PARP12: variants seen among roughly 807,000 people sequenced by gnomAD.
PARP12 encodes the protein protein mono-ADP-ribosyltransferase PARP12.
Under a neutral mutation model 72.4 loss-of-function variants are expected in PARP12, and 59 were observed. The ratio of observed to expected loss-of-function variants is 0.81; its 90% CI spans 0.66 to 1.01. PARP12 has a LOEUF of 1.01. Among genes scored for constraint, PARP12 ranks in the 50% least tolerant of loss-of-function variants. PARP12 has a pLI of 0.00. For synonymous variants in PARP12, 403 were observed against 371.4 expected (o/e 1.09, Z -0.98); for missense variants, 851 against 914.0 (o/e 0.93, Z 0.89).
At chr7:140,046,635 G>A (rs974735993) in intron 5 of PARP12, among the ~76,000 whole-genome samples, 1 of 152,094 alleles carries the variant, frequency 6.6e-6, no homozygotes, top group Non-Finnish European at 1.5e-5. Context: ...GGAGAGGGAG[G>A]TGGGAGAACA....
At chr7:140,027,455 T>C (rs1392070436) in intron 9 of PARP12, 49 bp from the exon 10 acceptor site, 4 of 1,601,868 alleles carry the variant, frequency 2.5e-6, no homozygotes, top group Non-Finnish European at 3.4e-6. Flanking sequence ...GTGCAGAATA[T>C]AAATCAGTCC....
intron 8 of PARP12, chr7:140,033,454 A>C (rs114201589): frequency 3.0e-6 from 3 of 985,424 alleles, no homozygotes; most frequent in Non-Finnish European, 3.6e-6. Context: ...AACACTGCCT[A>C]AAGTCCCAGC....
At chr7:140,034,124 T>C in intron 8 of PARP12, 111 bp downstream of exon 8, 1 of 1,437,950 alleles carries the variant, frequency 7.0e-7, no homozygotes, top group South Asian at 1.4e-5. Context: ...AGCACTTCGT[T>C]GTACAAGCCA....
chr7:140,057,777 CA>C, intron 2 of PARP12, 121 bp downstream of exon 2: 1 of 1,365,284 alleles, frequency 7.3e-7, no homozygotes. Context: ...CAAATTTCTG[CA>C]GGTGGAAACC....
chr7:140,056,967 A>C lies in PARP12; in HGVS notation c.649T>G (p.Ser217Ala). The C allele has an allele frequency of 1.2e-6, 2 of 1,614,166 alleles. No individual in the cohort carries two copies. Among genetic ancestry groups the C allele is most frequent in the Non-Finnish European group, 1.7e-6 (2 of 1,180,040 alleles). Reference protein sequence around the residue: ...LEKLEKLGMSSDLVSRLPTIY... With the variant: ...LEKLEKLGMSADLVSRLPTIY... ...GTAGGCAGCCTGCTCACCAGGTCTG[A>C]GCTCATACCCAACTTCTCCAATTTT... The change falls in exon 3 of 12, where the codon TCA (serine) becomes GCA (alanine). Residue 217 changes from serine to alanine, a missense_variant. By Grantham distance (99) the Ser-to-Ala change is moderately conservative. Coordinates refer to ENST00000263549, the MANE Select transcript of PARP12 (RefSeq NM_022750.4).
At chr7:140,059,624 T>C (rs931625954) in intron 1 of PARP12, among the ~76,000 whole-genome samples, 18 of 152,134 alleles carry the variant, frequency 1.2e-4, no homozygotes, top group Non-Finnish European at 2.1e-4. Context: ...CAAACCCTGA[T>C]CCACCCCAAA....
At chr7:140,047,760 G>A (rs543592478) in intron 4 of PARP12, among the ~76,000 whole-genome samples, 1 of 152,078 alleles carries the variant, frequency 6.6e-6, no homozygotes, top group Admixed American at 6.5e-5. Context: ...TGGGATTACA[G>A]GTGTGCACCA....
At chr7:140,048,784 G>C (rs1264311163) in intron 4 of PARP12, among the ~76,000 whole-genome samples, 1 of 152,088 alleles carries the variant, frequency 6.6e-6, no homozygotes. Context: ...AAGTGAAAAA[G>C]GTAGAAAGCC....
At chr7:140,061,452 TAC>T (rs143130780) in intron 1 of PARP12, among the ~76,000 whole-genome samples, 3 of 151,244 alleles carry the variant, frequency 2.0e-5, no homozygotes, top group Non-Finnish European at 4.4e-5. Flanking sequence ...AAGACAAACA[TAC>T]ACACACACAC....
chr7:140,034,046 G>A, intron 8 of PARP12, 189 bp downstream of exon 8: 1 of 1,256,144 alleles, frequency 8.0e-7, no homozygotes, highest in Non-Finnish European at 1.0e-6. Context: ...GCATCACGAA[G>A]CTTCTACCCA....
rs771777306 is a variant in PARP12 at position 140,046,889 on chromosome 7, T to C, written c.981A>G (p.Ile327Met). The change falls in exon 5 of 12, where the codon ATA (isoleucine) becomes ATG (methionine). Residue 327 changes from isoleucine (I) to methionine (M), a missense_variant. Ile to Met is a conservative substitution (Grantham distance 10, BLOSUM62 1). Around this residue, in one of 3 missense-constraint regions of PARP12, gnomAD observed 492 missense variants for 489.3 expected, o/e 1.01. Coordinates refer to ENST00000263549, the MANE Select transcript of PARP12 (RefSeq NM_022750.4). ...LIEEAYCNPK[I>M]ERILCSESAS... is the part of the protein sequence containing the mutation. ...ACAAGGGACATATTTCCTACCTTTC[T>C]ATTTTGGGATTGCAATATGCCTCTT... The C allele has an allele frequency of 2.5e-6, 4 of 1,613,712 alleles. No individual in the cohort carries two copies. In the East Asian group the frequency reaches 6.7e-5, roughly 27 times the overall value.
At chr7:140,038,229 C>T in intron 6 of PARP12, 1 of 985,464 alleles carries the variant, frequency 1.0e-6, no homozygotes, top group African/African-American at 1.7e-5. Context: ...CCAAGCCAGG[C>T]TGGTCTTACC....
Position 140,057,036 on chromosome 7 carries a change from T to C in PARP12, c.580A>G (p.Ser194Gly). ...GAGAAATCATGGGATCTCTTACAGC[T>C]AGTGCCAAACTTGCATTCCCCCTGT... ...FLQGECKFGT[S>G]CKRSHDFSNS... The change falls in exon 3 of 12, where the codon AGC becomes GGC. Residue 194 changes from serine to glycine, a missense_variant. Around this residue, in one of 3 missense-constraint regions of PARP12, gnomAD observed 492 missense variants for 489.3 expected, o/e 1.01. Coordinates refer to ENST00000263549, the MANE Select transcript of PARP12 (RefSeq NM_022750.4). The C allele has an allele frequency of 6.2e-7, 1 of 1,614,250 alleles. No individual in the cohort carries two copies. Among genetic ancestry groups the C allele is most frequent in the Non-Finnish European group, 8.5e-7 (1 of 1,180,050 alleles).
Position 140,050,891 on chromosome 7 carries a change from A to G in PARP12, c.862+3771T>C, listed in dbSNP as rs1323898984. Among the ~76,000 whole-genome samples, 3 of 152,362 alleles carry G rather than the reference A, an allele frequency of 2.0e-5. No homozygotes were observed. In the East Asian group the frequency reaches 5.8e-4, roughly 29 times the overall value. On this transcript the variant is annotated intron_variant, in intron 4 of 11. Transcript: ENST00000263549. ...AATAAACATGAAAGACTGGAAGGATATATCTTCAGTATAAATCATATACAA... is the reference window on the plus strand; with the variant it reads ...AATAAACATGAAAGACTGGAAGGATGTATCTTCAGTATAAATCATATACAA...
intron 6 of PARP12, chr7:140,038,141 G>A (rs1399917385): frequency 1.0e-6 from 1 of 985,294 alleles, no homozygotes; most frequent in Non-Finnish European, 1.2e-6. Flanking sequence ...AAGTCACCTA[G>A]GACAGAGGAC....
Position 140,024,758 on chromosome 7 carries a change from A to C in PARP12, c.1908T>G (p.Arg636=). 6.2e-7 allele frequency: 1 copy of C among 1,614,154 alleles called. No homozygotes were observed. Among genetic ancestry groups the C allele is most frequent in the Non-Finnish European group, 8.5e-7 (1 of 1,180,024 alleles). The change falls in exon 12 of 12, where the codon CGT becomes CGG. Residue 636 remains arginine (R), a synonymous_variant. Transcript: ENST00000263549. ...TGCTCCAGCCCTCCTTGGCCGGCGG[A>C]CGGACAAAGGAGGCATTGCCCCTGA... The part of the protein sequence containing the change: ...EFVRGNASFV[R]PPAKEGWSNA...
rs147893780 is a variant in PARP12, at chr7:140,043,817, C to T, written c.987-1978G>A. On this transcript the variant is annotated intron_variant, in intron 5 of 11. Transcript: ENST00000263549. The stretch of plus-strand genomic sequence containing the variant: ...AAAGTGCTGGGATTACACGCGTGAG[C>T]CACTGCTCCCGACCTTAGAACTTTT... Among the ~76,000 whole-genome samples the T allele has an allele frequency of 7.7e-3, 1,173 of 152,308 alleles. 12 individuals are homozygous for T. Among genetic ancestry groups the T allele is most frequent in the African/African-American group, 0.027 (1,129 of 41,560 alleles).
rs1816480750 is a variant in PARP12 at position 140,041,747 on chromosome 7, G to A, written c.1079C>T (p.Ser360Phe). ...TYGATQARRL[S>F]TASSVTKPPH... ...AGGTTTGGTGACAGAGGAGGCCGTG[G>A]AGAGGCGGCGAGCCTGGGTAGCACC... The change falls in exon 6 of 12, where the codon TCC becomes TTC. Residue 360 changes from serine (S) to phenylalanine (F), a missense_variant. Around this residue, in one of 3 missense-constraint regions of PARP12, gnomAD observed 492 missense variants for 489.3 expected, o/e 1.01. Coordinates refer to ENST00000263549, the MANE Select transcript of PARP12 (RefSeq NM_022750.4). The A allele has an allele frequency of 6.2e-7, 1 of 1,614,148 alleles. No homozygotes were observed. Among genetic ancestry groups the A allele is most frequent in the Non-Finnish European group, 8.5e-7 (1 of 1,179,982 alleles).
chr7:140,025,630 C>T (rs1241617962), intron 11 of PARP12: 2 of 444,260 alleles, frequency 4.5e-6, no homozygotes, highest in African/African-American at 4.0e-5. Flanking sequence ...AGAGAAGTGG[C>T]AGCATGTTAA....
Sources: allele counts gnomAD v4.1 joint callset (sites outside exome capture counted in the v4.1 genomes callset), GRCh38; gene constraint gnomAD v4.1.1; regional missense constraint gnomAD v4.1.1; transcripts MANE v1.5; gene names NCBI Gene and HGNC (gene_info 2026-07-23, HGNC 2026-07-21).